SNX29: variants seen among roughly 807,000 people sequenced by gnomAD.
The protein encoded by SNX29 is sorting nexin 29.
In SNX29, 78 loss-of-function variants were observed where a neutral mutation model predicts 102.1. That is an observed-to-expected ratio of 0.76 (90% confidence interval 0.64 to 0.92). SNX29 has a LOEUF of 0.92. Among genes scored for constraint, SNX29 ranks in the 40% least tolerant of loss-of-function variants. SNX29 has a pLI of 0.00. For synonymous variants in SNX29, 580 were observed against 414.5 expected, an observed-to-expected ratio of 1.40 and a Z score of -4.85; for missense variants, 1,280 against 1,061.7, an observed-to-expected ratio of 1.21 and a Z score of -2.86.
At chr16:12,419,666 C>T (rs781625428) in intron 18 of SNX29, among the ~76,000 whole-genome samples, 25 of 151,964 alleles carry the variant, frequency 1.6e-4, no homozygotes, top group Admixed American at 1.0e-3. Context: ...AGGCCTGCAT[C>T]GTCTTGGAAA....
chr16:12,246,745 A>G (rs2078271092), intron 14 of SNX29, among the ~76,000 whole-genome samples: 1 of 152,224 alleles, frequency 6.6e-6, no homozygotes, highest in South Asian at 2.1e-4. Context: ...AATTGGTGGT[A>G]TTCTTAGAAC....
intron 18 of SNX29, among the ~76,000 whole-genome samples, chr16:12,438,276 C>G (rs955286089): frequency 1.3e-5 from 2 of 152,210 alleles, no homozygotes; most frequent in African/African-American, 4.8e-5. Flanking sequence ...CACCTGGTTT[C>G]TAGCCAAGGC....
At chr16:12,064,120 G>A (rs1469838173) in intron 9 of SNX29, among the ~76,000 whole-genome samples, 1 of 152,146 alleles carries the variant, frequency 6.6e-6, no homozygotes, top group South Asian at 2.1e-4. Context: ...TTGAATTATT[G>A]TGGAACCGTG....
chr16:12,244,280 T>G (rs2078197553), intron 14 of SNX29, among the ~76,000 whole-genome samples: 1 of 152,132 alleles, frequency 6.6e-6, no homozygotes, highest in Admixed American at 6.5e-5. Flanking sequence ...AGTCTAGAAT[T>G]CTGAGAGTGG....
chr16:12,183,911 T>C (rs770534498), intron 13 of SNX29, among the ~76,000 whole-genome samples: 3 of 152,162 alleles, frequency 2.0e-5, no homozygotes, highest in African/African-American at 7.2e-5. Flanking sequence ...AGTTTACAAA[T>C]GCCATGGCAA....
At chr16:12,292,990 A>G (rs983265933) in intron 15 of SNX29, among the ~76,000 whole-genome samples, 1 of 152,260 alleles carries the variant, frequency 6.6e-6, no homozygotes, top group African/African-American at 2.4e-5. Context: ...ACTCTTATTA[A>G]TGAATGAATA....
chr16:12,479,194 G>A (rs1394709137), intron 19 of SNX29, among the ~76,000 whole-genome samples: 11 of 152,240 alleles, frequency 7.2e-5, no homozygotes, highest in Non-Finnish European at 1.0e-4. Context: ...TCTAGGTGAT[G>A]CTGTTCATGA....
intron 11 of SNX29, chr16:12,081,585 T>A (rs1412641796): frequency 6.7e-6 from 1 of 148,304 alleles, no homozygotes; most frequent in Non-Finnish European, 1.5e-5. Context: ...GGCAAGAGAA[T>A]TGCTTAAACC....
At chr16:12,066,172 C>T (rs562198841) in intron 9 of SNX29, among the ~76,000 whole-genome samples, 2 of 152,214 alleles carry the variant, frequency 1.3e-5, no homozygotes, top group African/African-American at 4.8e-5. Flanking sequence ...TGTTGAGTCC[C>T]TGTCTTTGCT....
chr16:12,143,619 G>A (rs2054946146), intron 13 of SNX29, among the ~76,000 whole-genome samples: 2 of 152,170 alleles, frequency 1.3e-5, no homozygotes, highest in African/African-American at 4.8e-5. Context: ...TGCATGTCAA[G>A]GGTTAAGCAC....
chr16:12,175,706 G>A (rs570854095), intron 13 of SNX29, among the ~76,000 whole-genome samples: 1 of 151,652 alleles, frequency 6.6e-6, no homozygotes, highest in South Asian at 2.1e-4. Context: ...ACCCTTATAA[G>A]AAGAGGGGAG....
intron 19 of SNX29, among the ~76,000 whole-genome samples, chr16:12,481,104 A>G (rs1387310276): frequency 2.0e-5 from 3 of 152,030 alleles, no homozygotes; most frequent in Non-Finnish European, 2.9e-5. Context: ...CAGCCAAGCA[A>G]TGTGCTTTTA....
At position 12,571,663 on chromosome 16, in the gene SNX29, G is replaced by A. The variant is rs898817309; in HGVS notation, c.*3034G>A. ...GATGAAAGACGACTCAGGAACGGTAGGGCTGGGCAGAGGTGTCTCTCCTTG... is the reference window on the plus strand; with the variant it reads ...GATGAAAGACGACTCAGGAACGGTAAGGCTGGGCAGAGGTGTCTCTCCTTG... On this transcript the variant is annotated 3_prime_UTR_variant, in exon 21 of 21. Transcript: ENST00000566228. The A allele has an allele frequency of 6.6e-6, 7 of 1,059,514 alleles. No homozygotes were observed. Among genetic ancestry groups the A allele is most frequent in the Non-Finnish European group, 8.0e-6 (7 of 875,938 alleles). 65.6% of individuals were successfully genotyped at this position (1,059,514 alleles called of 1,614,324 possible).
chr16:12,087,631 T>C (rs1293186855), intron 11 of SNX29: 2 of 359,088 alleles, frequency 5.6e-6, no homozygotes, highest in African/African-American at 4.3e-5. Context: ...ACTCATTAGA[T>C]GGTAAAGCAG....
intron 19 of SNX29, among the ~76,000 whole-genome samples, chr16:12,494,384 C>T (rs928804215): frequency 2.6e-5 from 4 of 152,130 alleles, no homozygotes; most frequent in African/African-American, 4.8e-5. Context: ...GGAGCAGTTC[C>T]GCATCAGACT....
At chr16:12,270,827 C>T (rs1427645309) in intron 14 of SNX29, among the ~76,000 whole-genome samples, 2 of 151,834 alleles carry the variant, frequency 1.3e-5, no homozygotes, top group Non-Finnish European at 1.5e-5. Flanking sequence ...AGATCGCCTG[C>T]GGTCAGGCAT....
intron 12 of SNX29, among the ~76,000 whole-genome samples, chr16:12,127,465 A>G (rs1265798906): frequency 7.1e-6 from 1 of 141,172 alleles, no homozygotes; most frequent in Non-Finnish European, 1.5e-5. Context: ...TCTGTCACCC[A>G]GGCTGGAATG....
At chr16:12,237,360 T>C (rs2077967768) in intron 14 of SNX29, among the ~76,000 whole-genome samples, 1 of 152,200 alleles carries the variant, frequency 6.6e-6, no homozygotes, top group Non-Finnish European at 1.5e-5. Context: ...TCCCCTGCTT[T>C]ATGCGCTTAT....
At chr16:12,519,377 G>A (rs577078532) in intron 19 of SNX29, among the ~76,000 whole-genome samples, 6 of 152,304 alleles carry the variant, frequency 3.9e-5, no homozygotes, top group East Asian at 1.9e-4. Context: ...ACTGTAACTC[G>A]TCTTTTAAAA....
Sources: allele counts gnomAD v4.1 joint callset (sites outside exome capture counted in the v4.1 genomes callset), GRCh38; gene constraint gnomAD v4.1.1; transcripts MANE v1.5; gene names NCBI Gene and HGNC (gene_info 2026-07-23, HGNC 2026-07-21).